PPM1H: variants seen among roughly 807,000 people sequenced by gnomAD.
The protein encoded by PPM1H is protein phosphatase, Mg2+/Mn2+ dependent 1H, also known as protein phosphatase 1H.
A neutral mutation model predicts 54.9 loss-of-function variants in PPM1H; 27 were observed. The observed-to-expected ratio is 0.49, with a 90% CI of 0.36 to 0.68. The LOEUF is 0.68. Among genes scored for constraint, PPM1H ranks in the 30% least tolerant of loss-of-function variants. The pLI, the probability that PPM1H is intolerant of heterozygous loss-of-function variation, is 0.00. For missense variants in PPM1H, 596 were observed against 667.8 expected (o/e 0.89, Z 1.19); for synonymous variants, 305 against 270.8 (o/e 1.13, Z -1.24).
At chr12:62,847,612 A>G (rs1426649815) in intron 1 of PPM1H, among the ~76,000 whole-genome samples, 1 of 152,210 alleles carries the variant, frequency 6.6e-6, no homozygotes, top group Non-Finnish European at 1.5e-5. Flanking sequence ...AAAGACAACA[A>G]GAAGTAGCAA....
intron 3 of PPM1H, among the ~76,000 whole-genome samples, chr12:62,796,055 G>C (rs531743855): frequency 6.6e-6 from 1 of 152,320 alleles, no homozygotes; most frequent in East Asian, 1.9e-4. Context: ...TACTTCCTCA[G>C]TGGTGTCTAA....
chr12:62,893,639 G>T (rs770394912), intron 1 of PPM1H, among the ~76,000 whole-genome samples: 7 of 151,796 alleles, frequency 4.6e-5, no homozygotes, highest in Non-Finnish European at 8.8e-5. Flanking sequence ...GTGTGTGCGG[G>T]GGGGAGGGGG....
At chr12:62,803,799 T>C (rs954823004) in intron 2 of PPM1H, among the ~76,000 whole-genome samples, 1 of 152,148 alleles carries the variant, frequency 6.6e-6, no homozygotes, top group African/African-American at 2.4e-5. Flanking sequence ...TTGCAAAGCA[T>C]GTGTGTGATA....
rs952119957 is a variant in PPM1H at position 62,680,067 on chromosome 12, A to G, written c.1245+9632T>C. Among the ~76,000 whole-genome samples, 5 of 152,236 alleles carry G rather than the reference A, an allele frequency of 3.3e-5. No homozygotes were observed. The East Asian group carries it at 7.7e-4, about 24-fold the overall frequency. The stretch of plus-strand genomic sequence containing the variant: ...TTCTTCACATCAAGAGGTGGATCCA[A>G]TTCCCCTAACTTCAAACATGGACTG... On this transcript the variant is annotated intron_variant, in intron 8 of 9. Transcript: ENST00000228705.
chr12:62,891,720 A>C (rs151140204), intron 1 of PPM1H, among the ~76,000 whole-genome samples: 4,065 of 152,330 alleles, frequency 0.027, 96 homozygotes, highest in Non-Finnish European at 0.038. Context: ...TAAAAGTGCC[A>C]CAAGGTTAGC....
At chr12:62,879,617 C>G (rs150622362) in intron 1 of PPM1H, among the ~76,000 whole-genome samples, 4 of 151,744 alleles carry the variant, frequency 2.6e-5, no homozygotes, top group African/African-American at 9.7e-5. Context: ...TGTTGGGGTA[C>G]GGGAGGTTGG....
intron 8 of PPM1H, among the ~76,000 whole-genome samples, chr12:62,673,878 A>G (rs996742119): frequency 2.6e-5 from 4 of 151,210 alleles, no homozygotes; most frequent in Admixed American, 1.3e-4. Flanking sequence ...GGTGCACACC[A>G]CCTATACTTT....
intron 2 of PPM1H, among the ~76,000 whole-genome samples, chr12:62,820,343 G>A (rs1321536419): frequency 6.6e-6 from 1 of 152,230 alleles, no homozygotes; most frequent in Non-Finnish European, 1.5e-5. Context: ...TGAACAAAAG[G>A]CAGCAGAAAC....
chr12:62,691,538 A>G (rs1272071406), intron 7 of PPM1H, among the ~76,000 whole-genome samples: 2 of 152,104 alleles, frequency 1.3e-5, no homozygotes, highest in Non-Finnish European at 2.9e-5. Flanking sequence ...AAGACACGAG[A>G]CACAGCCAGA....
intron 1 of PPM1H, among the ~76,000 whole-genome samples, chr12:62,931,835 C>T (rs1006487450): frequency 6.6e-6 from 1 of 152,048 alleles, no homozygotes; most frequent in Non-Finnish European, 1.5e-5. Flanking sequence ...TTAGCCATTA[C>T]CAATAGTATA....
intron 6 of PPM1H, among the ~76,000 whole-genome samples, chr12:62,698,313 C>T (rs767833023): frequency 3.3e-5 from 5 of 152,186 alleles, no homozygotes; most frequent in African/African-American, 1.2e-4. Context: ...CATTGGAGAA[C>T]AGCTCTGGGA....
At chr12:62,816,586 G>A (rs1013142418) in intron 2 of PPM1H, among the ~76,000 whole-genome samples, 1 of 152,012 alleles carries the variant, frequency 6.6e-6, no homozygotes, top group Non-Finnish European at 1.5e-5. Flanking sequence ...TCCAAAATCT[G>A]AAAAAATCTG....
chr12:62,877,966 C>G (rs904274322), intron 1 of PPM1H, among the ~76,000 whole-genome samples: 5 of 152,194 alleles, frequency 3.3e-5, no homozygotes, highest in African/African-American at 1.2e-4. Context: ...AGCACAATCT[C>G]GGCTCACTGC....
intron 4 of PPM1H, among the ~76,000 whole-genome samples, chr12:62,746,205 C>A (rs569994223): frequency 2.0e-5 from 3 of 151,732 alleles, no homozygotes; most frequent in African/African-American, 7.3e-5. Context: ...AAAAAAAAAA[C>A]AAAAACAAAA....
At chr12:62,825,749 G>A (rs1025097563) in intron 2 of PPM1H, among the ~76,000 whole-genome samples, 2 of 152,108 alleles carry the variant, frequency 1.3e-5, no homozygotes, top group African/African-American at 4.8e-5. Flanking sequence ...GTGGAGCAGG[G>A]GGAGGGATAG....
chr12:62,720,030 G>T, intron 6 of PPM1H, 141 bp downstream of exon 6: 1 of 674,854 alleles, frequency 1.5e-6, no homozygotes, highest in Non-Finnish European at 2.5e-6. Flanking sequence ...GCAGAGGCAG[G>T]TGTACCCCCT....
chr12:62,837,414 T>C (rs1483254795), intron 1 of PPM1H, among the ~76,000 whole-genome samples: 1 of 152,202 alleles, frequency 6.6e-6, no homozygotes, highest in Non-Finnish European at 1.5e-5. Context: ...AAAGGACAGA[T>C]TGGACATTTT....
At chr12:62,674,018 A>G (rs540374041) in intron 8 of PPM1H, among the ~76,000 whole-genome samples, 15 of 152,168 alleles carry the variant, frequency 9.9e-5, no homozygotes, top group African/African-American at 3.6e-4. Flanking sequence ...CACCTGGCCT[A>G]GCGCTCAATT....
chr12:62,826,160 G>T (rs1018235095), intron 2 of PPM1H, among the ~76,000 whole-genome samples: 1 of 152,162 alleles, frequency 6.6e-6, no homozygotes, highest in African/African-American at 2.4e-5. Context: ...TAGTAGAAAA[G>T]GTCATCTCGC....
Sources: gnomAD v4.1 joint callset for allele counts (sites outside exome capture counted in the v4.1 genomes callset) on GRCh38, gnomAD v4.1.1 for gene constraint, MANE v1.5 for transcripts, NCBI Gene and HGNC (gene_info 2026-07-23, HGNC 2026-07-21) for gene names.